The following B3GAT1 variants were observed in gnomAD, a reference collection of about 807,000 sequenced individuals.
B3GAT1 encodes galactosylgalactosylxylosylprotein 3-beta-glucuronosyltransferase 1.
In B3GAT1, 11 loss-of-function variants were observed where a neutral mutation model predicts 28.4. That is an observed-to-expected ratio of 0.39 (90% CI 0.24 to 0.64). The LOEUF (loss-of-function observed/expected upper bound fraction) is 0.64, where lower values mean the gene tolerates loss of function less well. Among genes scored for constraint, B3GAT1 ranks in the 30% least tolerant of loss-of-function variants. B3GAT1 has a pLI of 0.50. For synonymous variants in B3GAT1, 255 were observed against 223.1 expected (o/e 1.14, Z -1.27); for missense variants, 375 against 491.0 (o/e 0.76, Z 2.23).
At chr11:134,390,109 G>C (rs1325903885) in intron 1 of B3GAT1, 1 of 152,048 alleles carries the variant, frequency 6.6e-6, no homozygotes, top group Admixed American at 6.5e-5. Context: ...GACATTCTAG[G>C]CCGTGTGTGT....
In B3GAT1 at chr11:134,378,704, G is replaced by A. The variant is rs942812141; in HGVS notation, c.*2058C>T. On this transcript the variant is annotated 3_prime_UTR_variant, in exon 6 of 6. Coordinates refer to ENST00000312527, the MANE Select transcript of B3GAT1 (RefSeq NM_054025.3). ...GGGAACAGACTGGGTTTGGAAAACA[G>A]TGGTCATCATGGACCCATTTCTGAT... 6.6e-6 allele frequency: 1 copy of A among 152,236 alleles called. No homozygotes were observed. The highest frequency in any genetic ancestry group is 1.5e-5 in the Non-Finnish European group (1 of 68,042). 9.4% of individuals were successfully genotyped at this position (152,236 alleles called of 1,614,324 possible).
intron 1 of B3GAT1, among the ~76,000 whole-genome samples, chr11:134,406,292 T>G (rs946121521): frequency 7.2e-5 from 11 of 152,244 alleles, no homozygotes; most frequent in African/African-American, 2.7e-4. Flanking sequence ...CCTTTGCTGC[T>G]CTTATTCTGA....
chr11:134,382,084 C>T, intron 4 of B3GAT1, 60 bp from the exon 5 acceptor site: 2 of 1,401,318 alleles, frequency 1.4e-6, no homozygotes, highest in Non-Finnish European at 2.0e-6. Context: ...TCTGCTGCCT[C>T]CCTGCTCCCT....
At chr11:134,389,183 A>C (rs998523506) in intron 1 of B3GAT1, 1 of 152,190 alleles carries the variant, frequency 6.6e-6, no homozygotes, top group African/African-American at 2.4e-5. Flanking sequence ...CTGTGGTTTC[A>C]ATTTGCATTT....
At chr11:134,406,894 C>G (rs1944743682) in intron 1 of B3GAT1, among the ~76,000 whole-genome samples, 1 of 145,584 alleles carries the variant, frequency 6.9e-6, no homozygotes, top group Non-Finnish European at 1.5e-5. Context: ...CCACAACACT[C>G]TGCCCACTAG....
chr11:134,382,041 G>T lies in B3GAT1; in HGVS notation c.919-17C>A, dbSNP rs1428490706. On this transcript the variant is annotated splice_polypyrimidine_tract_variant and intron_variant, in intron 4 of 5. Coordinates refer to ENST00000312527, the MANE Select transcript of B3GAT1 (RefSeq NM_054025.3). ...CACCAGGATCTGTGTGCCCAGAGAT[G>T]CAAAACATGGTGGGACAGGCCCCTG... 1 of 1,612,700 alleles carries T rather than the reference G, an allele frequency of 6.2e-7. No individual in the cohort carries two copies. The highest frequency in any genetic ancestry group is 8.5e-7 in the Non-Finnish European group (1 of 1,178,942).
At chr11:134,394,672 C>T (rs1411865171) in intron 1 of B3GAT1, among the ~76,000 whole-genome samples, 2 of 152,356 alleles carry the variant, frequency 1.3e-5, no homozygotes, top group South Asian at 2.1e-4. Context: ...TGCTTCCCAG[C>T]CTGGGTCACT....
In B3GAT1 at chr11:134,387,562, A is replaced by C. The variant is rs146759752; in HGVS notation, c.98T>G (p.Leu33Arg). Residue 33 changes from leucine (L) to arginine (R), a missense_variant, in exon 2 of 6, where the codon CTC (leucine) becomes CGC (arginine). Coordinates refer to ENST00000312527, the MANE Select transcript of B3GAT1 (RefSeq NM_054025.3). ...TGCGTGCTCACCCTTATGTACCGCG[A>C]GCAGGGGTGCGAGGGTGCTCTGGTG... ...VWHQSTLAPL[L>R]AVHKDEGSDP... 6.2e-7 allele frequency: 1 copy of C among 1,613,924 alleles called. No individual in the cohort carries two copies. Among genetic ancestry groups the C allele is most frequent in the African/African-American group, 1.3e-5 (1 of 74,936 alleles).
In B3GAT1 at chr11:134,387,894, G is replaced by T; in HGVS notation, c.-235C>A. 1.3e-6 allele frequency: 2 copies of T among 1,506,542 alleles called. No individual in the cohort carries two copies. The highest frequency in any genetic ancestry group is 1.2e-5 in the South Asian group (1 of 82,962). The allele number at this position is 1,506,542 out of a possible 1,614,324, so 93.3% of individuals were successfully genotyped here. A position where few individuals can be genotyped will look rare whatever the true frequency, so the allele number is the denominator to read the frequency against. ...TCCGGCCCAACTGGAGTCTGAGAAG[G>T]GGTCGCTGTCCAGGGGCAGGGGTCA... is the stretch of plus-strand genomic sequence containing the variant. On this transcript the variant is annotated 5_prime_UTR_variant, in exon 2 of 6. Coordinates refer to ENST00000312527, the MANE Select transcript of B3GAT1 (RefSeq NM_054025.3).
intron 1 of B3GAT1, among the ~76,000 whole-genome samples, chr11:134,402,231 C>T (rs957494773): frequency 3.3e-5 from 5 of 152,154 alleles, no homozygotes; most frequent in Non-Finnish European, 5.9e-5. Flanking sequence ...AGTCAAGTCG[C>T]GGGTATGCCC....
chr11:134,396,406 C>T (rs1003280955), intron 1 of B3GAT1, among the ~76,000 whole-genome samples: 5 of 152,180 alleles, frequency 3.3e-5, no homozygotes, highest in African/African-American at 1.2e-4. Context: ...CTGCCACCAC[C>T]TCTTTGCTCT....
intron 1 of B3GAT1, among the ~76,000 whole-genome samples, chr11:134,395,180 C>T (rs1429278963): frequency 1.3e-5 from 2 of 151,418 alleles, no homozygotes; most frequent in Non-Finnish European, 2.9e-5. Context: ...GACGACATCA[C>T]TTGCTGCTGC....
intron 1 of B3GAT1, among the ~76,000 whole-genome samples, chr11:134,409,322 G>A (rs1944805749): frequency 6.6e-6 from 1 of 152,176 alleles, no homozygotes; most frequent in Non-Finnish European, 1.5e-5. Context: ...GGGGGCCTGG[G>A]GAGGGGGTGC....
intron 1 of B3GAT1, chr11:134,392,237 T>C (rs924972710): frequency 2.6e-5 from 4 of 151,138 alleles, no homozygotes; most frequent in African/African-American, 9.8e-5. Flanking sequence ...TGGAACTGAG[T>C]CCTGACTTAA....
chr11:134,399,902 G>A (rs1944577300), intron 1 of B3GAT1, among the ~76,000 whole-genome samples: 1 of 152,206 alleles, frequency 6.6e-6, no homozygotes, highest in South Asian at 2.1e-4. Flanking sequence ...CCCTGGAACT[G>A]AGTGTCCAAG....
intron 1 of B3GAT1, among the ~76,000 whole-genome samples, chr11:134,404,049 T>C (rs1944682010): frequency 7.2e-6 from 1 of 138,806 alleles, no homozygotes; most frequent in African/African-American, 2.7e-5. Context: ...CGTTAAGTTC[T>C]AGGGTACATG....
intron 1 of B3GAT1, among the ~76,000 whole-genome samples, chr11:134,405,414 C>T (rs978408162): frequency 2.6e-5 from 4 of 152,306 alleles, no homozygotes; most frequent in Non-Finnish European, 4.4e-5. Flanking sequence ...GGTCAGGGTG[C>T]GTAGACACAC....
rs771350848 is a variant in B3GAT1, at chr11:134,387,859, G to A, written c.-200C>T. The A allele has an allele frequency of 2.6e-6, 4 of 1,525,916 alleles. 1 individual carries two copies. The South Asian group carries it at 3.6e-5, about 14-fold the overall frequency. 94.5% of individuals were successfully genotyped at this position (1,525,916 alleles called of 1,614,324 possible). A position where few individuals can be genotyped will look rare whatever the true frequency, so the allele number is the denominator to read the frequency against. On this transcript the variant is annotated 5_prime_UTR_variant, in exon 2 of 6. Coordinates refer to ENST00000312527, the MANE Select transcript of B3GAT1 (RefSeq NM_054025.3). ...CACAACCCACCCATTGCGGAAGCAG[G>A]TTTGGAGAGTCCGGCCCAACTGGAG... is the stretch of plus-strand genomic sequence containing the variant.
intron 1 of B3GAT1, among the ~76,000 whole-genome samples, chr11:134,402,273 C>T (rs1212463144): frequency 6.6e-6 from 1 of 152,196 alleles, no homozygotes; most frequent in Non-Finnish European, 1.5e-5. Context: ...CTCCCGTCAC[C>T]CTGCCCAGTC....
Sources: gnomAD v4.1 joint callset for allele counts (sites outside exome capture counted in the v4.1 genomes callset) on GRCh38, gnomAD v4.1.1 for gene constraint, MANE v1.5 for transcripts, NCBI Gene and HGNC (gene_info 2026-07-23, HGNC 2026-07-21) for gene names.